Variants in CCL22 observed in about 807,000 individuals in gnomAD.
The protein encoded by CCL22 is C-C motif chemokine 22.
A neutral mutation model predicts 7.6 loss-of-function variants in CCL22; 7 were observed. That is an observed-to-expected ratio of 0.92 (90% CI 0.52 to 1.72). The LOEUF (loss-of-function observed/expected upper bound fraction) is 1.72. Ranked by LOEUF, CCL22 falls within the 40% of genes most tolerant of loss-of-function variation. The pLI, the probability that CCL22 is intolerant of heterozygous loss-of-function variation, is 0.00. For synonymous variants in CCL22, 55 were observed against 47.2 expected, an observed-to-expected ratio of 1.17 and a Z score of -0.68; for missense variants, 115 against 124.7, an observed-to-expected ratio of 0.92 and a Z score of 0.37.
chr16:57,360,382 G>A lies in CCL22; in HGVS notation c.74-55G>A, dbSNP rs567028710. The A allele has an allele frequency of 1.2e-4, 190 of 1,606,430 alleles. No homozygotes were observed. The African/African-American group carries it at 1.5e-3, about 13-fold the overall frequency. On this transcript the variant is annotated intron_variant, in intron 1 of 2. Coordinates refer to ENST00000219235, the MANE Select transcript of CCL22 (RefSeq NM_002990.5). ...GAGGCCGAGATCAGGGGCTGGGGCC[G>A]AGGGTGACCTCTCTGGGCTCCAGCT...
intron 2 of CCL22, among the ~76,000 whole-genome samples, chr16:57,362,537 C>A (rs1902059558): frequency 2.6e-5 from 4 of 151,994 alleles, no homozygotes; most frequent in African/African-American, 9.7e-5. Flanking sequence ...TGTCTGGAGG[C>A]TCAGAGTAGT....
intron 1 of CCL22, among the ~76,000 whole-genome samples, chr16:57,359,852 C>T (rs956488827): frequency 6.6e-6 from 1 of 152,120 alleles, no homozygotes; most frequent in Admixed American, 6.6e-5. Flanking sequence ...GGTCTTGTCT[C>T]GAACTCCTGA....
chr16:57,360,693 T>C (rs1902039590), intron 2 of CCL22, 133 bp downstream of exon 2: 2 of 1,081,086 alleles, frequency 1.8e-6, no homozygotes, highest in East Asian at 4.9e-5. Flanking sequence ...CCTGCCAGGA[T>C]GGCTTGGCTG....
At chr16:57,359,011 C>A (rs1327174099) in intron 1 of CCL22, 122 bp downstream of exon 1, 11 of 767,572 alleles carry the variant, frequency 1.4e-5, no homozygotes, top group Non-Finnish European at 2.3e-5. Context: ...TTGGCTCTTG[C>A]GGCCTTCGGC....
chr16:57,360,985 C>CAGGT (rs1902043027), intron 2 of CCL22, among the ~76,000 whole-genome samples: 1 of 146,844 alleles, frequency 6.8e-6, no homozygotes, highest in South Asian at 2.2e-4. Context: ...GTGAACCAGG[C>CAGGT]GTGGTGGCTC....
At chr16:57,360,315 A>T (rs908102458) in intron 1 of CCL22, 122 bp from the exon 2 acceptor site, 1 of 1,232,804 alleles carries the variant, frequency 8.1e-7, no homozygotes, top group Non-Finnish European at 1.1e-6. Flanking sequence ...CCATCCTTCC[A>T]CATGAGAACA....
Position 57,363,830 on chromosome 16 carries a change from T to C in CCL22, c.*242T>C, listed in dbSNP as rs1223580811. The C allele has an allele frequency of 4.2e-6, 2 of 479,770 alleles. No homozygotes were observed. Among genetic ancestry groups the C allele is most frequent in the Non-Finnish European group, 7.6e-6 (2 of 262,448 alleles). 29.7% of individuals were successfully genotyped at this position (479,770 alleles called of 1,614,324 possible). ...CAGAGGGTCCTGTTCCCATCAGCGA[T>C]TCCCCTGCTTAAACCCTTCCATGAC... On this transcript the variant is annotated 3_prime_UTR_variant, in exon 3 of 3. Transcript: ENST00000219235.
At chr16:57,360,386 G>T in intron 1 of CCL22, 51 bp from the exon 2 acceptor site, 1 of 1,440,842 alleles carries the variant, frequency 6.9e-7, no homozygotes, top group South Asian at 1.2e-5. Flanking sequence ...GGGGCCGAGG[G>T]TGACCTCTCT....
In CCL22 at chr16:57,360,421, G is replaced by A. The variant is rs758056651; in HGVS notation, c.74-16G>A. 24 of 1,613,960 alleles carry A rather than the reference G, an allele frequency of 1.5e-5. No individual in the cohort carries two copies. The highest frequency in any genetic ancestry group is 2.0e-5 in the Non-Finnish European group (24 of 1,179,994). On this transcript the variant is annotated splice_polypyrimidine_tract_variant and intron_variant, in intron 1 of 2. Transcript: ENST00000219235. ...TGGGCTCCAGCTTGTGAATTCACTGGGGACCCCTCCCCTAGGCCCCTACGG... is the reference window on the plus strand; with the variant it reads ...TGGGCTCCAGCTTGTGAATTCACTGAGGACCCCTCCCCTAGGCCCCTACGG...
chr16:57,361,844 T>A (rs1902053555), intron 2 of CCL22, among the ~76,000 whole-genome samples: 1 of 152,152 alleles, frequency 6.6e-6, no homozygotes, highest in Admixed American at 6.5e-5. Context: ...CTTAGAGGGA[T>A]CTGCAGGTGA....
rs754130441 is a variant in CCL22, at chr16:57,360,200, C to T, written c.74-237C>T. 2.6e-4 allele frequency among the ~76,000 whole-genome samples: 40 copies of T among 152,320 alleles called. No homozygotes were observed. In the Middle Eastern group the frequency reaches 0.01, roughly 39 times the overall value. On this transcript the variant is annotated intron_variant, in intron 1 of 2. Coordinates refer to ENST00000219235, the MANE Select transcript of CCL22 (RefSeq NM_002990.5). ...CAGCTGATGCTTAGTTGTTCTGAATCCCCGCTCCTAGAGCTGACTGTCCCA... is the reference window on the plus strand; with the variant it reads ...CAGCTGATGCTTAGTTGTTCTGAATTCCCGCTCCTAGAGCTGACTGTCCCA...
At chr16:57,360,373 G>A in intron 1 of CCL22, 64 bp from the exon 2 acceptor site, 1 of 1,600,122 alleles carries the variant, frequency 6.2e-7, no homozygotes, top group East Asian at 2.2e-5. Flanking sequence ...GAGATCAGGG[G>A]CTGGGGCCGA....
rs999449915 is a variant in CCL22 at position 57,365,519 on chromosome 16, G to A, written c.*1931G>A. 4 of 152,204 alleles carry A rather than the reference G, an allele frequency of 2.6e-5. No homozygotes were observed. The highest frequency in any genetic ancestry group is 5.9e-5 in the Non-Finnish European group (4 of 68,084). The allele number at this position is 152,204 out of a possible 1,614,324, so 9.4% of individuals were successfully genotyped here. A position where few individuals can be genotyped will look rare whatever the true frequency, so the allele number is the denominator to read the frequency against. On this transcript the variant is annotated 3_prime_UTR_variant, in exon 3 of 3. Transcript: ENST00000219235. Reference sequence around the variant, plus strand: ...GTCTGTGGCAGGAGGCAAAGAGTAGGGTGTAATTGAGTGAAGGAATCCTGG... The same window carrying A: ...GTCTGTGGCAGGAGGCAAAGAGTAGAGTGTAATTGAGTGAAGGAATCCTGG...
intron 2 of CCL22, among the ~76,000 whole-genome samples, chr16:57,361,893 T>C (rs566056855): frequency 2.6e-5 from 4 of 152,206 alleles, no homozygotes; most frequent in Non-Finnish European, 5.9e-5. Context: ...CTCCCAGAGT[T>C]CTTGTCTCTT....
chr16:57,360,427 C>G lies in CCL22; in HGVS notation c.74-10C>G. On this transcript the variant is annotated splice_polypyrimidine_tract_variant and intron_variant, in intron 1 of 2. Coordinates refer to ENST00000219235, the MANE Select transcript of CCL22 (RefSeq NM_002990.5). The stretch of plus-strand genomic sequence containing the variant: ...CCAGCTTGTGAATTCACTGGGGACC[C>G]CTCCCCTAGGCCCCTACGGCGCCAA... 1 of 1,614,088 alleles carries G rather than the reference C, an allele frequency of 6.2e-7. No individual in the cohort carries two copies. The highest frequency in any genetic ancestry group is 8.5e-7 in the Non-Finnish European group (1 of 1,179,988).
At chr16:57,362,921 T>A (rs1276418792) in intron 2 of CCL22, among the ~76,000 whole-genome samples, 1 of 151,638 alleles carries the variant, frequency 6.6e-6, no homozygotes, top group Non-Finnish European at 1.5e-5. Flanking sequence ...GGGGATTCTA[T>A]TTCATGGCCT....
In CCL22 at chr16:57,360,501, C is replaced by G. The variant is rs750381788; in HGVS notation, c.138C>G (p.Pro46=). The G allele has an allele frequency of 6.2e-7, 1 of 1,614,232 alleles. No individual in the cohort carries two copies. The highest frequency in any genetic ancestry group is 1.7e-5 in the Admixed American group (1 of 60,028). Residue 46 remains proline, a synonymous_variant, in exon 2 of 3, where the codon CCC becomes CCG. Coordinates refer to ENST00000219235, the MANE Select transcript of CCL22 (RefSeq NM_002990.5). The part of the protein sequence containing the change: ...CCRDYVRYRL[P]LRVVKHFYWT... ...GTGATTACGTCCGTTACCGTCTGCC[C>G]CTGCGCGTGGTGAAACACTTCTACT...
rs145699540 is a variant in CCL22 at position 57,365,307 on chromosome 16, G to C, written c.*1719G>C. The C allele has an allele frequency of 6.6e-6, 1 of 152,242 alleles. No individual in the cohort carries two copies. Among genetic ancestry groups the C allele is most frequent in the East Asian group, 1.9e-4 (1 of 5,180 alleles). 9.4% of individuals were successfully genotyped at this position (152,242 alleles called of 1,614,324 possible). On this transcript the variant is annotated 3_prime_UTR_variant, in exon 3 of 3. Coordinates refer to ENST00000219235, the MANE Select transcript of CCL22 (RefSeq NM_002990.5). The stretch of plus-strand genomic sequence containing the variant: ...AGCTGACAATCAAATTCATGCTATG[G>C]TGTGAAAGACTACCTTTGACTTGGT...
chr16:57,358,105 T>A (rs1156436884), upstream of CCL22, among the ~76,000 whole-genome samples: 2 of 152,000 alleles, frequency 1.3e-5, no homozygotes, highest in African/African-American at 4.8e-5. Context: ...AAGGAGCAGA[T>A]CTGAGAGAGA....
Sources: gnomAD v4.1 joint callset for allele counts (sites outside exome capture counted in the v4.1 genomes callset) on GRCh38, gnomAD v4.1.1 for gene constraint, MANE v1.5 for transcripts, NCBI Gene and HGNC (gene_info 2026-07-23, HGNC 2026-07-21) for gene names.